NDST3: variants seen among roughly 807,000 people sequenced by gnomAD.
The protein encoded by NDST3 is bifunctional heparan sulfate N-deacetylase/N-sulfotransferase 3.
NDST3 carries 58 observed loss-of-function variants against 96.1 expected under a neutral mutation model. That is an observed-to-expected ratio of 0.60 (90% CI 0.49 to 0.75). NDST3 has a LOEUF of 0.75. Ranked by LOEUF, NDST3 falls within the 30% of genes least tolerant of loss-of-function variation. The pLI is 0.00. For missense variants in NDST3, 788 were observed against 1,034.2 expected (o/e 0.76, Z 3.27); for synonymous variants, 333 against 359.7 (o/e 0.93, Z 0.84).
chr4:118,207,760 C>T (rs1420511769), intron 6 of NDST3, among the ~76,000 whole-genome samples: 1 of 144,322 alleles, frequency 6.9e-6, no homozygotes, highest in Non-Finnish European at 1.5e-5. Context: ...TATTAAAATC[C>T]GTGTAATTCT....
At chr4:118,189,434 T>C (rs1050399799) in intron 6 of NDST3, among the ~76,000 whole-genome samples, 2 of 152,206 alleles carry the variant, frequency 1.3e-5, no homozygotes, top group Non-Finnish European at 2.9e-5. Flanking sequence ...ATTTATGTCT[T>C]TTTTGGATGT....
At chr4:118,173,154 G>GTGTGTA (rs61694736) in intron 6 of NDST3, among the ~76,000 whole-genome samples, 35 of 114,600 alleles carry the variant, frequency 3.1e-4, no homozygotes, top group South Asian at 1.2e-3. Context: ...GTGTGTGTGT[G>GTGTGTA]TATATATATA....
intron 6 of NDST3, among the ~76,000 whole-genome samples, chr4:118,159,522 A>T (rs1347148075): frequency 6.6e-6 from 1 of 152,174 alleles, no homozygotes; most frequent in Non-Finnish European, 1.5e-5. Flanking sequence ...CCACAACAAA[A>T]GGTAACAAGG....
At chr4:118,056,755 C>CA (rs1172933799) in intron 2 of NDST3, among the ~76,000 whole-genome samples, 3 of 151,882 alleles carry the variant, frequency 2.0e-5, no homozygotes, top group African/African-American at 7.2e-5. Flanking sequence ...TCTATCCGTT[C>CA]AGTTCTTGAT....
At chr4:118,253,200 C>T (rs572810257) in intron 12 of NDST3, among the ~76,000 whole-genome samples, 2 of 152,082 alleles carry the variant, frequency 1.3e-5, no homozygotes, top group South Asian at 4.1e-4. Flanking sequence ...TTTTTTCCTT[C>T]CAGATGAAGG....
chr4:118,040,968 C>T (rs1273118521), intron 1 of NDST3, among the ~76,000 whole-genome samples: 1 of 150,218 alleles, frequency 6.7e-6, no homozygotes, highest in African/African-American at 2.5e-5. Context: ...AGGCTGGTCT[C>T]CACCCCTGAG....
intron 2 of NDST3, among the ~76,000 whole-genome samples, chr4:118,056,608 TCTGTAACTA>T (rs368054516): frequency 6.6e-6 from 1 of 152,140 alleles, no homozygotes; most frequent in African/African-American, 2.4e-5. Flanking sequence ...ATGTATTCAT[TCTGTAACTA>T]GTTATTAAGC....
chr4:118,220,353 G>A (rs916111243), intron 6 of NDST3, among the ~76,000 whole-genome samples: 1 of 151,674 alleles, frequency 6.6e-6, no homozygotes, highest in African/African-American at 2.4e-5. Context: ...AACACAGGAA[G>A]AGAAAACCAA....
At chr4:118,255,565 G>A (rs919176832) in intron 13 of NDST3, 28 bp from the exon 14 acceptor site, 8 of 1,585,130 alleles carry the variant, frequency 5.0e-6, no homozygotes, top group Admixed American at 1.8e-5. Flanking sequence ...AAAATAAAAT[G>A]TACTTTTCTC....
chr4:118,162,900 A>C (rs1735271229), intron 6 of NDST3, among the ~76,000 whole-genome samples: 1 of 148,578 alleles, frequency 6.7e-6, no homozygotes, highest in Non-Finnish European at 1.5e-5. Context: ...AAACAAATTT[A>C]CAAGAAAAAA....
At position 118,116,555 on chromosome 4, in the gene NDST3, C is replaced by G. The variant is rs1347740357; in HGVS notation, c.1224+1595C>G. On this transcript the variant is annotated intron_variant, in intron 4 of 13. Transcript: ENST00000296499. ...AAACATTTGCAGATATTTGGAAGTA[C>G]ATATCCTAAGAATATACTTAGGCTG... Among the ~76,000 whole-genome samples, 4 of 152,186 alleles carry G rather than the reference C, an allele frequency of 2.6e-5. No individual in the cohort carries two copies. The East Asian group carries it at 7.7e-4, about 29-fold the overall frequency.
At chr4:118,088,551 T>G (rs1369480834) in intron 2 of NDST3, among the ~76,000 whole-genome samples, 1 of 152,040 alleles carries the variant, frequency 6.6e-6, no homozygotes, top group Admixed American at 6.6e-5. Context: ...ACTTCACTCC[T>G]AGTCTAGTCA....
chr4:118,243,777 T>G (rs1741144764), intron 12 of NDST3, among the ~76,000 whole-genome samples: 1 of 152,220 alleles, frequency 6.6e-6, no homozygotes. Context: ...AGTTGCTTTT[T>G]CTTATGGGAT....
At chr4:118,078,761 C>T (rs1196435929) in intron 2 of NDST3, among the ~76,000 whole-genome samples, 3 of 136,492 alleles carry the variant, frequency 2.2e-5, no homozygotes, top group Non-Finnish European at 4.8e-5. Flanking sequence ...AAAAAAAAAT[C>T]AGTGTGGGTC....
At chr4:118,147,594 A>G (rs1734041982) in intron 6 of NDST3, among the ~76,000 whole-genome samples, 1 of 152,228 alleles carries the variant, frequency 6.6e-6, no homozygotes, top group African/African-American at 2.4e-5. Flanking sequence ...TCTGCCCTCA[A>G]TAAATAAAAC....
chr4:118,206,267 A>C (rs1738438081), intron 6 of NDST3, among the ~76,000 whole-genome samples: 1 of 144,968 alleles, frequency 6.9e-6, no homozygotes. Flanking sequence ...TCCAGTTATT[A>C]TAATAGAAGT....
At chr4:118,161,961 C>T (rs1020116696) in intron 6 of NDST3, among the ~76,000 whole-genome samples, 6 of 152,142 alleles carry the variant, frequency 3.9e-5, no homozygotes, top group Non-Finnish European at 5.9e-5. Flanking sequence ...CCGTCTTCTG[C>T]ATCGCTCACG....
intron 12 of NDST3, among the ~76,000 whole-genome samples, chr4:118,244,411 G>A (rs1220500917): frequency 1.3e-5 from 2 of 152,090 alleles, no homozygotes; most frequent in Non-Finnish European, 1.5e-5. Flanking sequence ...TGTATACTTT[G>A]TACACTTTGG....
At chr4:118,134,499 A>T (rs574894993) in intron 4 of NDST3, among the ~76,000 whole-genome samples, 7 of 152,332 alleles carry the variant, frequency 4.6e-5, no homozygotes, top group African/African-American at 1.4e-4. Flanking sequence ...GGGTGATGAT[A>T]ATGATAGAAT....
Sources: gnomAD v4.1 joint callset for allele counts (sites outside exome capture counted in the v4.1 genomes callset) on GRCh38, gnomAD v4.1.1 for gene constraint, MANE v1.5 for transcripts, NCBI Gene and HGNC (gene_info 2026-07-23, HGNC 2026-07-21) for gene names.